Variants in GSE1 observed in about 807,000 individuals in gnomAD.
GSE1 encodes the protein genetic suppressor element 1.
A neutral mutation model predicts 112.6 loss-of-function variants in GSE1; 32 were observed. The ratio of observed to expected loss-of-function variants is 0.28; its 90% CI spans 0.21 to 0.38. GSE1 has a LOEUF of 0.38. Among genes scored for constraint, GSE1 ranks in the 10% least tolerant of loss-of-function variants. The probability of loss-of-function intolerance (pLI) is 1.00; values close to 1 mark genes in which losing one functional copy is unlikely to be tolerated. For synonymous variants in GSE1, 1,115 were observed against 735.6 expected (o/e 1.52, Z -8.35); for missense variants, 2,348 against 1,699.2 (o/e 1.38, Z -6.71).
chr16:85,246,249 C>A (rs1421794574), intron 1 of GSE1, among the ~76,000 whole-genome samples: 2 of 124,832 alleles, frequency 1.6e-5, no homozygotes, highest in Non-Finnish European at 3.4e-5. Flanking sequence ...GCACACCACA[C>A]GCTGTCTACA....
At chr16:85,275,943 A>C (rs1321023712) in intron 1 of GSE1, among the ~76,000 whole-genome samples, 1 of 152,232 alleles carries the variant, frequency 6.6e-6, no homozygotes, top group Non-Finnish European at 1.5e-5. Flanking sequence ...GCAGAGCTAT[A>C]GGCAAAGTCA....
chr16:85,504,853 C>G (rs902437890), intron 2 of GSE1, among the ~76,000 whole-genome samples: 3 of 152,154 alleles, frequency 2.0e-5, no homozygotes, highest in African/African-American at 4.8e-5. Context: ...GGCCTTGGCT[C>G]TGCCCCTCTA....
intron 2 of GSE1, chr16:85,463,060 C>T (rs1211849442): frequency 3.1e-6 from 3 of 982,558 alleles, no homozygotes; most frequent in South Asian, 9.4e-5. Flanking sequence ...CCCCGGGTCC[C>T]GCGGCCCGGG....
chr16:85,171,484 C>T (rs2074358087), exon 1 of GSE1: 1 of 985,510 alleles, frequency 1.0e-6, no homozygotes, highest in African/African-American at 1.7e-5. Flanking sequence ...CTACCATGAC[C>T]TGCTGGCCCA....
At position 85,224,622 on chromosome 16, in the gene GSE1, C is replaced by T. The variant is rs189324276; in HGVS notation, c.2283+52815C>T. ...TTGGTGATGGTGGTGTAGCCGTGGA[C>T]GACAGCTCCATCCCTTCCCCTGCCG... On this transcript the variant is annotated intron_variant, in intron 1 of 2. Transcript: ENST00000637419. Among the ~76,000 whole-genome samples, 116 of 152,232 alleles carry T rather than the reference C, an allele frequency of 7.6e-4. 3 individuals are homozygous for T. The East Asian group carries it at 0.019, about 25-fold the overall frequency.
At chr16:85,627,083 T>C (rs2049144381) in intron 1 of GSE1, among the ~76,000 whole-genome samples, 1 of 125,982 alleles carries the variant, frequency 7.9e-6, no homozygotes, top group Non-Finnish European at 1.6e-5. Flanking sequence ...TTTTAAAGCA[T>C]TGTGCTGCTT....
intron 1 of GSE1, among the ~76,000 whole-genome samples, chr16:85,602,162 G>C (rs1423939293): frequency 6.6e-6 from 1 of 152,186 alleles, no homozygotes; most frequent in Non-Finnish European, 1.5e-5. Flanking sequence ...CTTAACGAAT[G>C]CTGATTCTGA....
At position 85,655,827 on chromosome 16, in the gene GSE1, A is replaced by C. The variant is rs750680885; in HGVS notation, c.899A>C (p.His300Pro). 1.5e-5 allele frequency: 24 copies of C among 1,602,268 alleles called. 1 individual carries two copies. The highest frequency in any genetic ancestry group is 4.5e-5 in the East Asian group (2 of 44,656). ...CTGCACCCATCAGCGATGCACCTGC[A>C]CCTCTCTGGGGTCCGCTACCCTCCC... is the stretch of plus-strand genomic sequence containing the variant. ...PPLHPSAMHL[H>P]LSGVRYPPEL... The change falls in exon 6 of 16, where the codon CAC (histidine) becomes CCC (proline). Residue 300 changes from histidine (H) to proline (P), a missense_variant. Transcript: ENST00000253458.
At chr16:85,227,836 T>C (rs932637004) in intron 1 of GSE1, among the ~76,000 whole-genome samples, 3 of 152,338 alleles carry the variant, frequency 2.0e-5, no homozygotes. Flanking sequence ...AATGCTGGCC[T>C]CATGCCGACC....
chr16:85,496,445 C>G (rs1172998597), intron 2 of GSE1, among the ~76,000 whole-genome samples: 2 of 152,196 alleles, frequency 1.3e-5, no homozygotes, highest in African/African-American at 2.4e-5. Context: ...GAGAGGGAAC[C>G]ATTACTGTGC....
intron 1 of GSE1, among the ~76,000 whole-genome samples, chr16:85,615,865 C>G (rs895866181): frequency 1.3e-5 from 2 of 152,240 alleles, no homozygotes; most frequent in African/African-American, 4.8e-5. Context: ...AGCTCCCCAG[C>G]TGATCCTAAC....
rs565517605 is a variant in GSE1, at chr16:85,230,942, CAGACGGATGGATGGAT to C, written c.2283+59139_2283+59154del. ...ATGGATGGATGAATGAATGGATGGA[CAGACGGATGGATGGAT>C]AGATGGATGGACGGACGGACGGATG... On this transcript the variant is annotated intron_variant, in intron 1 of 2. Coordinates refer to the GSE1 transcript ENST00000637419. Among the ~76,000 whole-genome samples, 12 of 147,040 alleles carry C rather than the reference CAGACGGATGGATGGAT, an allele frequency of 8.2e-5. No individual in the cohort carries two copies. In the South Asian group the frequency reaches 2.6e-3, roughly 32 times the overall value.
At chr16:85,201,608 G>A (rs2075030328) in intron 1 of GSE1, among the ~76,000 whole-genome samples, 1 of 151,604 alleles carries the variant, frequency 6.6e-6, no homozygotes, top group South Asian at 2.1e-4. Context: ...GCTGAGATCA[G>A]GCCACTGCAC....
chr16:85,525,554 G>A (rs1444338115), intron 2 of GSE1, among the ~76,000 whole-genome samples: 3 of 152,202 alleles, frequency 2.0e-5, no homozygotes, highest in Non-Finnish European at 2.9e-5. Flanking sequence ...CTCATGGTGT[G>A]GGAGCTGATC....
At chr16:85,617,672 C>A (rs1387944453) in intron 1 of GSE1, among the ~76,000 whole-genome samples, 1 of 143,982 alleles carries the variant, frequency 6.9e-6, no homozygotes, top group Non-Finnish European at 1.5e-5. Flanking sequence ...AGAGCAGCTT[C>A]CTAGTCACCT....
intron 1 of GSE1, among the ~76,000 whole-genome samples, chr16:85,577,273 C>A (rs1219902921): frequency 6.6e-6 from 1 of 152,212 alleles, no homozygotes; most frequent in Non-Finnish European, 1.5e-5. Flanking sequence ...AGGTGCCCAG[C>A]CTGCCCAGTG....
intron 2 of GSE1, among the ~76,000 whole-genome samples, chr16:85,635,781 G>A (rs1164924264): frequency 1.3e-5 from 2 of 152,234 alleles, no homozygotes; most frequent in African/African-American, 4.8e-5. Flanking sequence ...AGCTGTGTCT[G>A]CTTTGGGGCC....
At chr16:85,176,713 C>A (rs1038108949) in intron 1 of GSE1, among the ~76,000 whole-genome samples, 1 of 152,270 alleles carries the variant, frequency 6.6e-6, no homozygotes, top group Non-Finnish European at 1.5e-5. Context: ...CCGGCCAGGC[C>A]CCCCGAGTGT....
In GSE1 at chr16:85,672,638, C is replaced by A; in HGVS notation, c.*99C>A. 1 of 861,480 alleles carries A rather than the reference C, an allele frequency of 1.2e-6. No individual in the cohort carries two copies. The highest frequency in any genetic ancestry group is 1.7e-6 in the Non-Finnish European group (1 of 600,688). The allele number at this position is 861,480 out of a possible 1,614,324, so 53.4% of individuals were successfully genotyped here. On this transcript the variant is annotated 3_prime_UTR_variant, in exon 16 of 16. Coordinates refer to ENST00000253458, the MANE Select transcript of GSE1 (RefSeq NM_014615.5). ...TTTTCACTGGGAGGTTTGAAGCTTA[C>A]AAAATGAGAATGTGCCATGCATGAA...
Sources: allele counts gnomAD v4.1 joint callset (sites outside exome capture counted in the v4.1 genomes callset), GRCh38; gene constraint gnomAD v4.1.1; transcripts MANE v1.5; gene names NCBI Gene and HGNC (gene_info 2026-07-23, HGNC 2026-07-21).